Variants in RAP1GAP2 observed in about 807,000 individuals in gnomAD.
RAP1GAP2 encodes the protein RAP1 GTPase activating protein 2.
Under a neutral mutation model 95.0 loss-of-function variants are expected in RAP1GAP2, and 27 were observed. The observed-to-expected ratio is 0.28, with a 90% CI of 0.21 to 0.39. The LOEUF (loss-of-function observed/expected upper bound fraction) is 0.39. Ranked by LOEUF, RAP1GAP2 falls within the 10% of genes least tolerant of loss-of-function variation. The probability of loss-of-function intolerance (pLI) is 1.00; values close to 1 mark genes in which losing one functional copy is unlikely to be tolerated. For missense variants in RAP1GAP2, 771 were observed against 970.0 expected (o/e 0.79, Z 2.72); for synonymous variants, 373 against 380.9 (o/e 0.98, Z 0.24).
chr17:2,890,319 G>T (rs1260666906), intron 2 of RAP1GAP2, among the ~76,000 whole-genome samples: 2 of 152,210 alleles, frequency 1.3e-5, no homozygotes, highest in African/African-American at 4.8e-5. Context: ...CTGAAATGCT[G>T]TAGTCTGTCC....
chr17:2,786,586 G>A (rs970221057), intron 1 of RAP1GAP2, among the ~76,000 whole-genome samples: 5 of 152,138 alleles, frequency 3.3e-5, no homozygotes, highest in Non-Finnish European at 5.9e-5. Flanking sequence ...TTAGTGAGAA[G>A]CTCCTTCAGA....
At chr17:2,878,983 G>A (rs1485884301) in intron 2 of RAP1GAP2, among the ~76,000 whole-genome samples, 4 of 152,182 alleles carry the variant, frequency 2.6e-5, no homozygotes, top group Admixed American at 1.3e-4. Flanking sequence ...CCCGGAGGCC[G>A]GCGCTGGCCA....
chr17:2,832,201 C>G, intron 2 of RAP1GAP2, among the ~76,000 whole-genome samples: 1 of 81,944 alleles, frequency 1.2e-5, no homozygotes, highest in Non-Finnish European at 2.7e-5. Flanking sequence ...GAGACTCTGT[C>G]TCCAAAAAAA....
rs1555575129 is a variant in RAP1GAP2 at position 2,950,061 on chromosome 17, C to CTTCTTCTTTTTT, written c.166-7696_166-7695insCTTCTTTTTTTT. On this transcript the variant is annotated intron_variant, in intron 3 of 24. Transcript: ENST00000254695. ...TTCTTTTCTTCTTCTTCTTCTTCTT[C>CTTCTTCTTTTTT]TTTTTTTTTTGAGATGGAGTCTTGC... 6.1e-3 allele frequency among the ~76,000 whole-genome samples: 859 copies of CTTCTTCTTTTTT among 141,270 alleles called. 19 individuals carry two copies. Among genetic ancestry groups the CTTCTTCTTTTTT allele is most frequent in the African/African-American group, 0.022 (805 of 37,146 alleles). 92.7% of individuals were successfully genotyped at this position (141,270 alleles called of 152,430 possible).
intron 3 of RAP1GAP2, among the ~76,000 whole-genome samples, chr17:2,929,123 C>CT (rs1010320488): frequency 1.3e-5 from 2 of 152,128 alleles, no homozygotes; most frequent in African/African-American, 4.8e-5. Flanking sequence ...GTCCCAACTA[C>CT]TTGGGAGGCT....
chr17:3,028,010 G>A (rs1014973900), intron 22 of RAP1GAP2, among the ~76,000 whole-genome samples: 9 of 152,070 alleles, frequency 5.9e-5, no homozygotes, highest in Non-Finnish European at 8.8e-5. Context: ...GGTGCTCCGG[G>A]TCTCTGCCCT....
At chr17:2,807,654 G>A (rs2069576475) in intron 2 of RAP1GAP2, among the ~76,000 whole-genome samples, 1 of 152,188 alleles carries the variant, frequency 6.6e-6, no homozygotes, top group South Asian at 2.1e-4. Flanking sequence ...CCCTCACGAA[G>A]GCAGTGGGGC....
Position 3,027,987 on chromosome 17 carries a change from G to T in RAP1GAP2, c.2107+917G>T, listed in dbSNP as rs1208814205. ...CCGTTCAGGTAGACCTGTGCGGTGGGCACTGCTGGGCGGGTGCTCCGGGTC... is the reference window on the plus strand; with the variant it reads ...CCGTTCAGGTAGACCTGTGCGGTGGTCACTGCTGGGCGGGTGCTCCGGGTC... On this transcript the variant is annotated intron_variant, in intron 22 of 24. Coordinates refer to ENST00000254695, the MANE Select transcript of RAP1GAP2 (RefSeq NM_015085.5). This position sits in a 1 kb window ranked among gnomAD's most constrained non-coding sequence, Gnocchi z 5.2. Among the ~76,000 whole-genome samples, 1 of 152,062 alleles carries T rather than the reference G, an allele frequency of 6.6e-6. No homozygotes were observed. Among genetic ancestry groups the T allele is most frequent in the Non-Finnish European group, 1.5e-5 (1 of 67,988 alleles).
At chr17:2,845,223 A>G (rs571828130) in intron 2 of RAP1GAP2, among the ~76,000 whole-genome samples, 3 of 150,678 alleles carry the variant, frequency 2.0e-5, no homozygotes, top group African/African-American at 7.3e-5. Flanking sequence ...GCTGACTGCA[A>G]CCTCTGCCTC....
intron 3 of RAP1GAP2, among the ~76,000 whole-genome samples, chr17:2,927,445 G>GC (rs2151784094): frequency 6.6e-6 from 1 of 152,278 alleles, no homozygotes; most frequent in South Asian, 2.1e-4. Flanking sequence ...GAGCCACCGC[G>GC]CCCGGCTGAG....
intron 2 of RAP1GAP2, among the ~76,000 whole-genome samples, chr17:2,861,367 G>T: frequency 6.6e-6 from 1 of 151,834 alleles, no homozygotes; most frequent in East Asian, 1.9e-4. Context: ...GGTCTCCATT[G>T]CCCAGAATAG....
At chr17:2,957,036 G>C (rs1002534708) in intron 3 of RAP1GAP2, among the ~76,000 whole-genome samples, 1 of 151,816 alleles carries the variant, frequency 6.6e-6, no homozygotes, top group African/African-American at 2.4e-5. Flanking sequence ...GCTGAGGCAG[G>C]AGAATGGCGT....
At chr17:2,934,339 C>T (rs2043241046) in intron 3 of RAP1GAP2, among the ~76,000 whole-genome samples, 2 of 152,174 alleles carry the variant, frequency 1.3e-5, no homozygotes, top group Admixed American at 6.5e-5. Context: ...ACCATGTTGA[C>T]CAGGCTGGTC....
intron 18 of RAP1GAP2, among the ~76,000 whole-genome samples, chr17:3,019,278 G>A (rs1415108166): frequency 6.6e-6 from 1 of 152,136 alleles, no homozygotes; most frequent in East Asian, 1.9e-4. Flanking sequence ...CATGGTGGCT[G>A]AGGAGGGTGG....
intron 2 of RAP1GAP2, among the ~76,000 whole-genome samples, chr17:2,832,345 T>C (rs1354878281): frequency 2.7e-5 from 4 of 150,194 alleles, no homozygotes; most frequent in East Asian, 4.0e-4. Context: ...GATCACGAGG[T>C]CAGGAGATCG....
intron 2 of RAP1GAP2, among the ~76,000 whole-genome samples, chr17:2,772,024 T>C (rs1383879563): frequency 1.3e-5 from 2 of 152,088 alleles, no homozygotes; most frequent in African/African-American, 4.8e-5. Context: ...AGTTTCACTC[T>C]TGTTACCCAG....
chr17:2,914,522 G>A (rs932658016), intron 3 of RAP1GAP2, among the ~76,000 whole-genome samples: 2 of 151,940 alleles, frequency 1.3e-5, no homozygotes, highest in East Asian at 1.9e-4. Flanking sequence ...GCAGAGTCTC[G>A]CTCTGTCGCC....
At chr17:2,927,222 C>T (rs535258159) in intron 3 of RAP1GAP2, among the ~76,000 whole-genome samples, 39 of 151,402 alleles carry the variant, frequency 2.6e-4, no homozygotes, top group South Asian at 8.4e-4. Context: ...GGCGCGATCT[C>T]GGCTCACTGC....
At chr17:2,897,951 C>T (rs1449464772) in intron 2 of RAP1GAP2, among the ~76,000 whole-genome samples, 2 of 149,776 alleles carry the variant, frequency 1.3e-5, no homozygotes, top group African/African-American at 2.5e-5. Context: ...GACAGGGTCT[C>T]GCTCTGTCCC....
Sources: allele counts gnomAD v4.1 joint callset (sites outside exome capture counted in the v4.1 genomes callset), GRCh38; gene constraint gnomAD v4.1.1; non-coding constraint Gnocchi (gnomAD v3.1); transcripts MANE v1.5; gene names NCBI Gene and HGNC (gene_info 2026-07-23, HGNC 2026-07-21).